ABI3BP: variants seen among roughly 807,000 people sequenced by gnomAD.
The protein encoded by ABI3BP is ABI family member 3 binding protein.
A neutral mutation model predicts 268.6 loss-of-function variants in ABI3BP; 216 were observed. The ratio of observed to expected loss-of-function variants is 0.80; its 90% CI spans 0.72 to 0.90. ABI3BP has a LOEUF of 0.90. Among genes scored for constraint, ABI3BP ranks in the 40% least tolerant of loss-of-function variants. The pLI is 0.00. For missense variants in ABI3BP, 2,090 were observed against 2,182.4 expected, an observed-to-expected ratio of 0.96 and a Z score of 0.84; for synonymous variants, 730 against 730.0, an observed-to-expected ratio of 1.00 and a Z score of 0.00.
In ABI3BP at chr3:100,838,624, C is replaced by A. The variant is rs577601485; in HGVS notation, c.1946-160G>T. ...AAAGAGTGTCTATTTTAACTACACA[C>A]TAGCATAATTAGTTTTTCCAGAAAG... On this transcript the variant is annotated intron_variant, in intron 24 of 67. Coordinates refer to ENST00000471714, the MANE Select transcript of ABI3BP (RefSeq NM_001375547.2). Among the ~76,000 whole-genome samples, 3 of 152,208 alleles carry A rather than the reference C, an allele frequency of 2.0e-5. No individual in the cohort carries two copies. The South Asian group carries it at 6.2e-4, about 32-fold the overall frequency.
chr3:100,909,212 A>T (rs1215044961), intron 2 of ABI3BP, among the ~76,000 whole-genome samples: 1 of 152,212 alleles, frequency 6.6e-6, no homozygotes, highest in African/African-American at 2.4e-5. Context: ...CCATATGCAG[A>T]AAGCTGAAAC....
intron 51 of ABI3BP, among the ~76,000 whole-genome samples, 189 bp from the exon 52 acceptor site, chr3:100,796,657 T>C (rs2097354860): frequency 6.6e-6 from 1 of 152,116 alleles, no homozygotes; most frequent in East Asian, 1.9e-4. Flanking sequence ...GGGAAGGTTC[T>C]GGTGGCAGTG....
At position 100,821,597 on chromosome 3, in the gene ABI3BP, C is replaced by CTT. The variant is rs369631203; in HGVS notation, c.2888-486_2888-485dup. ...ATTTGCCTGTCATCTTGAAGTAAGACTTTTTTTTTTTTTTTTTTTTTTTGA... is the reference window on the plus strand; with the variant it reads ...ATTTGCCTGTCATCTTGAAGTAAGACTTTTTTTTTTTTTTTTTTTTTTTTTGA... On this transcript the variant is annotated intron_variant, in intron 38 of 67. Transcript: ENST00000471714. 7.4e-3 allele frequency among the ~76,000 whole-genome samples: 876 copies of CTT among 118,956 alleles called. 3 individuals carry two copies. The highest frequency in any genetic ancestry group is 0.015 in the African/African-American group (444 of 29,984). The allele number at this position is 118,956 out of a possible 152,430, so 78.0% of individuals were successfully genotyped here.
chr3:100,862,697 A>T lies in ABI3BP; in HGVS notation c.1210+141T>A, dbSNP rs1035283810. 68 of 608,824 alleles carry T rather than the reference A, an allele frequency of 1.1e-4. No homozygotes were observed. In the East Asian group the frequency reaches 1.1e-3, roughly 10 times the overall value. 37.7% of individuals were successfully genotyped at this position (608,824 alleles called of 1,614,324 possible). ...TGCAGAAAATCCAAATAGATTTATTAAAAAAAAATCAAATCAACCATTTGT... is the reference window on the plus strand; with the variant it reads ...TGCAGAAAATCCAAATAGATTTATTTAAAAAAAATCAAATCAACCATTTGT... On this transcript the variant is annotated intron_variant, in intron 13 of 67. Coordinates refer to ENST00000471714, the MANE Select transcript of ABI3BP (RefSeq NM_001375547.2).
chr3:100,797,693 G>T (rs1185496641), intron 51 of ABI3BP, among the ~76,000 whole-genome samples: 1 of 150,918 alleles, frequency 6.6e-6, no homozygotes, highest in Admixed American at 6.6e-5. Flanking sequence ...TGCCACATCT[G>T]TTCTTAGACT....
intron 2 of ABI3BP, among the ~76,000 whole-genome samples, chr3:100,919,153 T>A (rs1398735238): frequency 6.6e-6 from 1 of 152,084 alleles, no homozygotes; most frequent in African/African-American, 2.4e-5. Flanking sequence ...TATTGGTTTA[T>A]CCTGTTTCTT....
chr3:100,818,509 C>T lies in ABI3BP; in HGVS notation c.3088+16G>A. 6.5e-7 allele frequency: 1 copy of T among 1,530,518 alleles called. No homozygotes were observed. The allele number at this position is 1,530,518 out of a possible 1,614,324, so 94.8% of individuals were successfully genotyped here. A position where few individuals can be genotyped will look rare whatever the true frequency, so the allele number is the denominator to read the frequency against. On this transcript the variant is annotated intron_variant, in intron 41 of 67. Coordinates refer to ENST00000471714, the MANE Select transcript of ABI3BP (RefSeq NM_001375547.2). The stretch of plus-strand genomic sequence containing the variant: ...AGCAGGAAAAGCACTATTTGAAGGA[C>T]ACACATTCTCATTACCCATGGTTTT...
At chr3:100,807,302 T>C (rs2097739003) in intron 50 of ABI3BP, among the ~76,000 whole-genome samples, 1 of 151,972 alleles carries the variant, frequency 6.6e-6, no homozygotes, top group Non-Finnish European at 1.5e-5. Flanking sequence ...CACTAATCAT[T>C]ATTTTCTCAG....
chr3:100,789,572 G>A (rs550248265), intron 55 of ABI3BP, 56 bp from the exon 56 acceptor site: 28 of 1,520,848 alleles, frequency 1.8e-5, no homozygotes, highest in Non-Finnish European at 2.5e-5. Context: ...CCTCCTGAAT[G>A]GAGATTTAGC....
At chr3:100,862,406 A>C (rs1314425318) in intron 13 of ABI3BP, 21 bp from the exon 14 acceptor site, 1 of 1,524,754 alleles carries the variant, frequency 6.6e-7, no homozygotes, top group African/African-American at 1.5e-5. Context: ...AAGAAATGGA[A>C]TTTGCTGAAG....
intron 4 of ABI3BP, among the ~76,000 whole-genome samples, chr3:100,891,502 C>T (rs572734469): frequency 1.3e-5 from 2 of 152,258 alleles, no homozygotes; most frequent in South Asian, 4.1e-4. Flanking sequence ...TTACTTACCC[C>T]CTTTTGCAGA....
chr3:100,862,179 A>G (rs1031859119), intron 14 of ABI3BP, 132 bp downstream of exon 14: 15 of 682,566 alleles, frequency 2.2e-5, no homozygotes, highest in Non-Finnish European at 3.6e-5. Context: ...TCATCTCAGT[A>G]TCAACAAATG....
Position 100,794,941 on chromosome 3 carries a change from C to T in ABI3BP, c.3928G>A (p.Glu1310Lys). 6.4e-7 allele frequency: 1 copy of T among 1,570,080 alleles called. No individual in the cohort carries two copies. Among genetic ancestry groups the T allele is most frequent in the Non-Finnish European group, 8.6e-7 (1 of 1,156,976 alleles). ...PMISPSPSQE[E>K]LQTTLEETDQ... ...AATTTACCCAGAGTGGTCTGTAGTT[C>T]CTCTTGACTAGGACTTGGGGAAATC... The change falls in exon 54 of 68, where the codon GAA (glutamate) becomes AAA (lysine). Residue 1310 changes from glutamate to lysine, a missense_variant. By Grantham distance (56) the Glu-to-Lys change is moderately conservative (BLOSUM62 1). Coordinates refer to ENST00000471714, the MANE Select transcript of ABI3BP (RefSeq NM_001375547.2).
At chr3:100,769,171 A>G (rs1318635498) in intron 62 of ABI3BP, among the ~76,000 whole-genome samples, 4 of 152,252 alleles carry the variant, frequency 2.6e-5, no homozygotes, top group Non-Finnish European at 5.9e-5. Context: ...ATGAAAAACC[A>G]ACAGGATTTT....
At chr3:100,942,450 G>A (rs998867303) in intron 1 of ABI3BP, among the ~76,000 whole-genome samples, 65 of 152,094 alleles carry the variant, frequency 4.3e-4, no homozygotes, top group East Asian at 7.7e-4. Flanking sequence ...TACTTTTTCT[G>A]TACCACTTTG....
chr3:100,885,632 C>T (rs1304019112), intron 5 of ABI3BP, 44 bp from the exon 6 acceptor site: 8 of 1,239,432 alleles, frequency 6.5e-6, no homozygotes, highest in Non-Finnish European at 9.1e-6. Flanking sequence ...ATTCTCCTTG[C>T]TCCTAAATCA....
chr3:100,775,430 C>A, intron 59 of ABI3BP, 95 bp from the exon 60 acceptor site: 1 of 1,495,108 alleles, frequency 6.7e-7, no homozygotes, highest in Non-Finnish European at 9.0e-7. Context: ...TAAGCACTGA[C>A]CATGTGGCTT....
chr3:100,823,476 C>T lies in ABI3BP; in HGVS notation c.2785G>A (p.Glu929Lys), dbSNP rs2098285205. Residue 929 changes from glutamate (E) to lysine (K), a missense_variant, in exon 37 of 68, where the codon GAG (glutamate) becomes AAG (lysine). Physicochemically the swap from Glu to Lys is moderately conservative, Grantham distance 56. Transcript: ENST00000471714. ...TVLEPVTLRP[E>K]ASTTLASKTS... The stretch of plus-strand genomic sequence containing the variant: ...ACGTTACCTAATGTTGTTGAGGCCT[C>T]AGGTCTAAGAGTGACAGGTTCTAGG... 1.3e-6 allele frequency: 2 copies of T among 1,534,052 alleles called. No homozygotes were observed. Among genetic ancestry groups the T allele is most frequent in the Admixed American group, 2.0e-5 (1 of 50,814 alleles).
chr3:100,844,133 T>C, intron 20 of ABI3BP: 2 of 985,108 alleles, frequency 2.0e-6, no homozygotes, highest in Non-Finnish European at 2.4e-6. Context: ...CAAAGCTGAG[T>C]GGTCTGTAAA....
Sources: gnomAD v4.1 joint callset for allele counts (sites outside exome capture counted in the v4.1 genomes callset) on GRCh38, gnomAD v4.1.1 for gene constraint, MANE v1.5 for transcripts, NCBI Gene and HGNC (gene_info 2026-07-23, HGNC 2026-07-21) for gene names.